The following ADGRL3 variants were observed in gnomAD, a reference collection of about 807,000 sequenced individuals.
ADGRL3 encodes the protein calcium-independent alpha-latrotoxin receptor 3.
Under a neutral mutation model 153.5 loss-of-function variants are expected in ADGRL3, and 62 were observed. The observed-to-expected ratio is 0.40, with a 90% CI of 0.33 to 0.50. The LOEUF (loss-of-function observed/expected upper bound fraction) is 0.50. ADGRL3 is among the 20% of genes least tolerant of loss of function. The pLI is 0.47. For synonymous variants in ADGRL3, 710 were observed against 672.5 expected (o/e 1.06, Z -0.86); for missense variants, 1,641 against 1,859.4 (o/e 0.88, Z 2.16).
At chr4:61,791,122 C>T (rs2097336588) in intron 8 of ADGRL3, among the ~76,000 whole-genome samples, 2 of 152,152 alleles carry the variant, frequency 1.3e-5, no homozygotes, top group South Asian at 4.1e-4. Context: ...GCCTTCCCAG[C>T]AGTCTCCCAA....
At chr4:61,792,571 C>G (rs984591762) in intron 8 of ADGRL3, among the ~76,000 whole-genome samples, 1 of 151,580 alleles carries the variant, frequency 6.6e-6, no homozygotes, top group African/African-American at 2.4e-5. Flanking sequence ...CTCACTGCAA[C>G]CTCTGCCTCC....
intron 25 of ADGRL3, 147 bp downstream of exon 25, chr4:62,044,696 G>T: frequency 2.0e-6 from 1 of 496,694 alleles, no homozygotes; most frequent in South Asian, 4.4e-5. Context: ...GTAGCAATGT[G>T]TTCCATTATT....
intron 6 of ADGRL3, among the ~76,000 whole-genome samples, chr4:61,688,540 T>C (rs1189778886): frequency 6.6e-6 from 1 of 152,176 alleles, no homozygotes; most frequent in Non-Finnish European, 1.5e-5. Context: ...CTTTGTACCA[T>C]GATGGCCACA....
At chr4:61,996,867 T>C (rs2099123473) in intron 20 of ADGRL3, among the ~76,000 whole-genome samples, 2 of 152,182 alleles carry the variant, frequency 1.3e-5, no homozygotes, top group South Asian at 4.1e-4. Context: ...TCTGGAATCA[T>C]GCTTCCTTTT....
intron 3 of ADGRL3, among the ~76,000 whole-genome samples, chr4:61,516,004 G>A (rs1445986685): frequency 7.2e-5 from 11 of 151,922 alleles, no homozygotes; most frequent in Non-Finnish European, 1.3e-4. Context: ...GATTACCTTT[G>A]CCTAGATATT....
chr4:62,038,906 G>C (rs936358972), intron 24 of ADGRL3, among the ~76,000 whole-genome samples: 1 of 152,110 alleles, frequency 6.6e-6, no homozygotes, highest in Non-Finnish European at 1.5e-5. Context: ...ACCCAGACTA[G>C]TGTTTTTAAG....
At chr4:61,502,614 A>T (rs1323472224) in intron 3 of ADGRL3, among the ~76,000 whole-genome samples, 2 of 152,088 alleles carry the variant, frequency 1.3e-5, no homozygotes, top group East Asian at 3.9e-4. Flanking sequence ...CTTAGTAGGG[A>T]CAAAAGAATG....
At chr4:62,061,417 C>A (rs1740090950) in intron 25 of ADGRL3, among the ~76,000 whole-genome samples, 1 of 151,888 alleles carries the variant, frequency 6.6e-6, no homozygotes, top group Non-Finnish European at 1.5e-5. Flanking sequence ...AATATTGACA[C>A]AATCCACCAC....
intron 3 of ADGRL3, among the ~76,000 whole-genome samples, chr4:61,513,905 G>A (rs978666923): frequency 2.0e-5 from 3 of 152,116 alleles, no homozygotes; most frequent in Non-Finnish European, 4.4e-5. Flanking sequence ...AAAATTACAT[G>A]CAACAGAGTT....
chr4:61,788,388 C>A, intron 8 of ADGRL3, among the ~76,000 whole-genome samples: 1 of 152,050 alleles, frequency 6.6e-6, no homozygotes, highest in South Asian at 2.1e-4. Flanking sequence ...TTATACCAGC[C>A]CAGAACCCCG....
chr4:61,831,411 TAAAAAAAAAAAAAAAAA>T (rs1166970099), intron 9 of ADGRL3, among the ~76,000 whole-genome samples: 2 of 37,274 alleles, frequency 5.4e-5, no homozygotes, highest in Non-Finnish European at 9.5e-5. Context: ...AGATGCTAAG[TAAAAAAAAAAAAAAAAA>T]AAAAAAAAAA....
chr4:61,650,255 C>T (rs1486161406), intron 5 of ADGRL3, among the ~76,000 whole-genome samples: 2 of 151,848 alleles, frequency 1.3e-5, no homozygotes, highest in Non-Finnish European at 2.9e-5. Context: ...AAATAAAATC[C>T]TATTTTTAGA....
intron 6 of ADGRL3, among the ~76,000 whole-genome samples, chr4:61,728,702 C>G (rs933441130): frequency 6.6e-6 from 1 of 152,020 alleles, no homozygotes; most frequent in East Asian, 1.9e-4. Flanking sequence ...TTCAAGGAAC[C>G]AAATTAGTTC....
intron 1 of ADGRL3, among the ~76,000 whole-genome samples, chr4:61,336,038 C>CAT (rs1469729433): frequency 1.3e-5 from 2 of 151,820 alleles, no homozygotes; most frequent in Non-Finnish European, 2.9e-5. Context: ...TCAAGGAAGT[C>CAT]ATATATATAT....
intron 5 of ADGRL3, among the ~76,000 whole-genome samples, chr4:61,612,863 A>C (rs2091537584): frequency 6.6e-6 from 1 of 152,162 alleles, no homozygotes; most frequent in Non-Finnish European, 1.5e-5. Context: ...GTTCCACATT[A>C]GGTTCTAGTA....
chr4:61,422,213 AG>A (rs2097215367), intron 2 of ADGRL3, among the ~76,000 whole-genome samples: 1 of 152,222 alleles, frequency 6.6e-6, no homozygotes, highest in African/African-American at 2.4e-5. Context: ...TTTCATTAAA[AG>A]TAAAGTTTAA....
chr4:61,904,221 C>T (rs2098683312), intron 11 of ADGRL3, among the ~76,000 whole-genome samples: 1 of 140,450 alleles, frequency 7.1e-6, no homozygotes, highest in South Asian at 2.4e-4. Flanking sequence ...AATACTGTTA[C>T]TATTTTCAAG....
chr4:61,524,552 G>T (rs1483299130), intron 4 of ADGRL3, among the ~76,000 whole-genome samples: 1 of 151,924 alleles, frequency 6.6e-6, no homozygotes, highest in African/African-American at 2.4e-5. Context: ...TGCAGTAAAT[G>T]GGCTTTGAAG....
chr4:61,514,842 G>A (rs1031392475), intron 3 of ADGRL3, among the ~76,000 whole-genome samples: 1 of 151,982 alleles, frequency 6.6e-6, no homozygotes, highest in African/African-American at 2.4e-5. Context: ...ATTGACGTGT[G>A]TTTTTATGTT....
Sources: allele counts gnomAD v4.1 joint callset (sites outside exome capture counted in the v4.1 genomes callset), GRCh38; gene constraint gnomAD v4.1.1; transcripts MANE v1.5; gene names NCBI Gene and HGNC (gene_info 2026-07-23, HGNC 2026-07-21).